Variants in WDR7 observed in about 807,000 individuals in gnomAD.
WDR7 encodes WD repeat domain 7.
A neutral mutation model predicts 169.4 loss-of-function variants in WDR7; 46 were observed. That is an observed-to-expected ratio of 0.27 (90% CI 0.21 to 0.35). The LOEUF is 0.35. Ranked by LOEUF, WDR7 falls within the 10% of genes least tolerant of loss-of-function variation. The pLI, the probability that WDR7 is intolerant of heterozygous loss-of-function variation, is 1.00. For synonymous variants in WDR7, 612 were observed against 666.8 expected (o/e 0.92, Z 1.27); for missense variants, 1,534 against 1,859.3 (o/e 0.83, Z 3.22).
intron 19 of WDR7, among the ~76,000 whole-genome samples, chr18:56,796,680 G>T (rs2145140390): frequency 6.6e-6 from 1 of 152,174 alleles, no homozygotes; most frequent in African/African-American, 2.4e-5. Context: ...TAATACACAA[G>T]AAGAAAAAGA....
At chr18:56,707,127 C>A (rs577417260) in intron 12 of WDR7, among the ~76,000 whole-genome samples, 1 of 151,538 alleles carries the variant, frequency 6.6e-6, no homozygotes, top group Non-Finnish European at 1.5e-5. Flanking sequence ...ATTACAGGCG[C>A]GCACCACCAC....
At chr18:56,973,172 G>A (rs561079989) in intron 26 of WDR7, among the ~76,000 whole-genome samples, 4 of 152,302 alleles carry the variant, frequency 2.6e-5, no homozygotes, top group South Asian at 2.1e-4. Flanking sequence ...CACCGCGCCC[G>A]GCCATGGGTA....
chr18:56,829,318 G>A (rs945816187), intron 20 of WDR7, among the ~76,000 whole-genome samples: 2 of 151,628 alleles, frequency 1.3e-5, no homozygotes, highest in Non-Finnish European at 2.9e-5. Flanking sequence ...ACACAAAATA[G>A]GACTGTAACC....
chr18:56,878,294 T>C (rs1332708503), intron 20 of WDR7, among the ~76,000 whole-genome samples: 1 of 152,228 alleles, frequency 6.6e-6, no homozygotes, highest in East Asian at 1.9e-4. Context: ...CTGATTGCTG[T>C]TTTGCATTCT....
intron 20 of WDR7, among the ~76,000 whole-genome samples, chr18:56,867,588 A>G (rs558086829): frequency 1.6e-4 from 25 of 152,256 alleles, no homozygotes; most frequent in African/African-American, 4.6e-4. Context: ...CATAGCAGAA[A>G]CAGATTTGTT....
rs570341579 is a variant in WDR7, at chr18:56,986,520, A to T, written c.4164+23991A>T. Among the ~76,000 whole-genome samples the T allele has an allele frequency of 3.3e-5, 5 of 152,250 alleles. No individual in the cohort carries two copies. The South Asian group carries it at 1.0e-3, about 32-fold the overall frequency. ...TTTAAAAATGTCAAACCACTATAAA[A>T]TAAGGATTTTTAAATTAAAGCTTTC... On this transcript the variant is annotated intron_variant, in intron 26 of 27. Coordinates refer to ENST00000254442, the MANE Select transcript of WDR7 (RefSeq NM_015285.3).
intron 14 of WDR7, among the ~76,000 whole-genome samples, chr18:56,737,903 A>G (rs1431822425): frequency 6.6e-6 from 1 of 152,188 alleles, no homozygotes; most frequent in South Asian, 2.1e-4. Flanking sequence ...TTTGTTTAAC[A>G]TTCTGTCCCA....
intron 14 of WDR7, among the ~76,000 whole-genome samples, chr18:56,747,860 G>GGCTTGTT (rs2043729740): frequency 6.6e-6 from 1 of 152,070 alleles, no homozygotes; most frequent in Admixed American, 6.5e-5. Flanking sequence ...CTGAAATGAG[G>GGCTTGTT]GCTTGTTCAT....
chr18:56,807,524 AAAT>A (rs1242627646), intron 19 of WDR7, among the ~76,000 whole-genome samples: 16 of 152,238 alleles, frequency 1.1e-4, no homozygotes, highest in African/African-American at 3.1e-4. Flanking sequence ...TGGGAAAGAG[AAAT>A]AATAAAGCTT....
At chr18:56,759,080 T>G in intron 16 of WDR7, 127 bp downstream of exon 16, 1 of 637,998 alleles carries the variant, frequency 1.6e-6, no homozygotes, top group Non-Finnish European at 2.5e-6. Flanking sequence ...GTTGTTATAT[T>G]CCAGATGTAA....
At chr18:56,931,179 C>T (rs114697427) in intron 22 of WDR7, among the ~76,000 whole-genome samples, 240 of 151,998 alleles carry the variant, frequency 1.6e-3, no homozygotes, top group African/African-American at 5.6e-3. Context: ...ACCTGTGTAA[C>T]GGGTGATCCG....
At chr18:56,675,890 G>A (rs1226971049) in intron 2 of WDR7, among the ~76,000 whole-genome samples, 1 of 151,932 alleles carries the variant, frequency 6.6e-6, no homozygotes, top group Non-Finnish European at 1.5e-5. Context: ...TGCAATGATA[G>A]CTTACTGCAG....
At chr18:56,950,022 A>G (rs2047159119) in intron 25 of WDR7, among the ~76,000 whole-genome samples, 1 of 152,212 alleles carries the variant, frequency 6.6e-6, no homozygotes, top group Non-Finnish European at 1.5e-5. Flanking sequence ...GTTCATATTC[A>G]AGAAAGTATC....
At chr18:56,954,785 C>T (rs2047229712) in intron 25 of WDR7, among the ~76,000 whole-genome samples, 1 of 151,998 alleles carries the variant, frequency 6.6e-6, no homozygotes, top group Non-Finnish European at 1.5e-5. Flanking sequence ...ATAGCTATAA[C>T]ACAGATAAGA....
At chr18:56,997,364 C>T (rs1440112880) in intron 26 of WDR7, among the ~76,000 whole-genome samples, 1 of 152,140 alleles carries the variant, frequency 6.6e-6, no homozygotes, top group Non-Finnish European at 1.5e-5. Context: ...TTGAATTTCC[C>T]CATGGGTCAG....
intron 21 of WDR7, among the ~76,000 whole-genome samples, chr18:56,881,194 T>C (rs1276330670): frequency 2.6e-5 from 4 of 152,170 alleles, no homozygotes; most frequent in African/African-American, 9.7e-5. Flanking sequence ...CTATAACTGT[T>C]TTTTGAAAGA....
intron 7 of WDR7, among the ~76,000 whole-genome samples, chr18:56,687,445 A>G (rs579697): frequency 0.95 from 144,299 of 152,242 alleles, 68,852 homozygotes; most frequent in East Asian, 1. Flanking sequence ...GAAAAATAGC[A>G]TGTTTTGGGC....
At chr18:56,825,993 A>G (rs1056944767) in intron 20 of WDR7, among the ~76,000 whole-genome samples, 9 of 152,216 alleles carry the variant, frequency 5.9e-5, no homozygotes, top group Non-Finnish European at 2.9e-5. Context: ...TGCTAAATTT[A>G]GACCAAACAG....
At chr18:56,706,888 A>C (rs368617432) in intron 12 of WDR7, among the ~76,000 whole-genome samples, 2 of 151,620 alleles carry the variant, frequency 1.3e-5, no homozygotes, top group Admixed American at 6.6e-5. Flanking sequence ...GGGTTTCACC[A>C]TGTTGGCCAG....
Sources: allele counts gnomAD v4.1 joint callset (sites outside exome capture counted in the v4.1 genomes callset), GRCh38; gene constraint gnomAD v4.1.1; transcripts MANE v1.5; gene names NCBI Gene and HGNC (gene_info 2026-07-23, HGNC 2026-07-21).